The following DPYD variants were observed in gnomAD, a reference collection of about 807,000 sequenced individuals.
The protein encoded by DPYD is dihydropyrimidine dehydrogenase [NADP(+)].
Under a neutral mutation model 116.2 loss-of-function variants are expected in DPYD, and 109 were observed. The observed-to-expected ratio is 0.94, with a 90% CI of 0.80 to 1.10. The LOEUF (loss-of-function observed/expected upper bound fraction) is 1.10, where lower values mean the gene tolerates loss of function less well. Ranked by LOEUF, DPYD falls within the 50% of genes least tolerant of loss-of-function variation. DPYD has a pLI of 0.00. For missense variants in DPYD, 1,302 were observed against 1,254.5 expected (o/e 1.04, Z -0.57); for synonymous variants, 440 against 432.0 (o/e 1.02, Z -0.23).
At chr1:97,623,933 T>C (rs1047793929) in intron 8 of DPYD, among the ~76,000 whole-genome samples, 6 of 151,960 alleles carry the variant, frequency 3.9e-5, no homozygotes, top group African/African-American at 7.2e-5. Flanking sequence ...TTTCCACATG[T>C]AGAAGAACAA....
chr1:97,209,111 CCTGA>C (rs1196209084), intron 19 of DPYD, among the ~76,000 whole-genome samples: 1 of 152,070 alleles, frequency 6.6e-6, no homozygotes, highest in Non-Finnish European at 1.5e-5. Context: ...AAGGAAATGA[CCTGA>C]CTTTCAATTG....
At chr1:97,901,303 G>C (rs922520100) in intron 1 of DPYD, among the ~76,000 whole-genome samples, 1 of 151,824 alleles carries the variant, frequency 6.6e-6, no homozygotes, top group African/African-American at 2.4e-5. Context: ...CTCAACGATT[G>C]CTGCATATTC....
chr1:97,290,518 C>A (rs555158987), intron 18 of DPYD, among the ~76,000 whole-genome samples: 8 of 152,010 alleles, frequency 5.3e-5, no homozygotes, highest in Non-Finnish European at 1.2e-4. Flanking sequence ...ACAGAGCCCT[C>A]AGAAATAACA....
chr1:97,614,266 G>A (rs954022214), intron 8 of DPYD, among the ~76,000 whole-genome samples: 45 of 151,944 alleles, frequency 3.0e-4, no homozygotes, highest in African/African-American at 1.0e-3. Flanking sequence ...AAGGTGTTAA[G>A]GTACTACAAG....
At chr1:97,477,315 C>G (rs1337267037) in intron 13 of DPYD, among the ~76,000 whole-genome samples, 6 of 152,186 alleles carry the variant, frequency 3.9e-5, no homozygotes, top group Non-Finnish European at 8.8e-5. Context: ...CCTCATCCAT[C>G]CATGTTTTAT....
At chr1:97,709,572 T>G (rs973689734) in intron 5 of DPYD, among the ~76,000 whole-genome samples, 5 of 151,814 alleles carry the variant, frequency 3.3e-5, no homozygotes, top group African/African-American at 1.2e-4. Context: ...CAGCATTTTC[T>G]CCATAATTTT....
At position 97,736,909 on chromosome 1, in the gene DPYD, C is replaced by A. The variant is rs866470513; in HGVS notation, c.321+3483G>T. 9.4e-4 allele frequency among the ~76,000 whole-genome samples: 138 copies of A among 146,884 alleles called. No homozygotes were observed. In the Middle Eastern group the frequency reaches 0.026, roughly 28 times the overall value. On this transcript the variant is annotated intron_variant, in intron 4 of 22. Transcript: ENST00000370192. The stretch of plus-strand genomic sequence containing the variant: ...GTGTAGGGCTTTATTAAGATATAAT[C>A]TACATAGCATATGTACACCAATTAA...
intron 12 of DPYD, among the ~76,000 whole-genome samples, chr1:97,534,876 A>AT (rs916315871): frequency 9.9e-5 from 15 of 151,994 alleles, no homozygotes; most frequent in Non-Finnish European, 2.1e-4. Context: ...TAGATTTTTA[A>AT]TTTTTTATAT....
chr1:97,701,440 G>C (rs980392639), intron 5 of DPYD, among the ~76,000 whole-genome samples: 10 of 151,560 alleles, frequency 6.6e-5, no homozygotes, highest in Non-Finnish European at 7.4e-5. Flanking sequence ...AGTGGCCAAT[G>C]AATAAATCCA....
At chr1:97,458,254 A>G (rs1676807892) in intron 13 of DPYD, among the ~76,000 whole-genome samples, 1 of 151,942 alleles carries the variant, frequency 6.6e-6, no homozygotes, top group Admixed American at 6.6e-5. Flanking sequence ...CTCTGGCTCT[A>G]CTCTACAGTC....
intron 12 of DPYD, chr1:97,546,333 G>A (rs1182631307): frequency 2.8e-6 from 4 of 1,427,464 alleles, no homozygotes; most frequent in Non-Finnish European, 4.0e-6. Context: ...AACAAAAGCT[G>A]GCAAATGGAG....
intron 20 of DPYD, among the ~76,000 whole-genome samples, chr1:97,190,663 GCAGTTTGAT>G (rs1211902390): frequency 2.0e-5 from 3 of 152,136 alleles, no homozygotes; most frequent in Non-Finnish European, 4.4e-5. Context: ...TGCTGGTTAG[GCAGTTTGAT>G]CAGTTAATAA....
intron 10 of DPYD, 120 bp from the exon 11 acceptor site, chr1:97,574,090 C>A: frequency 6.7e-7 from 1 of 1,494,774 alleles, no homozygotes; most frequent in South Asian, 1.3e-5. Context: ...GCAGCTTTTT[C>A]TTTCACCAAA....
At chr1:97,336,106 T>C (rs563945773) in intron 16 of DPYD, among the ~76,000 whole-genome samples, 43 of 152,156 alleles carry the variant, frequency 2.8e-4, no homozygotes, top group Non-Finnish European at 5.7e-4. Context: ...AAAGCAACAA[T>C]GTGACAGTGT....
intron 14 of DPYD, among the ~76,000 whole-genome samples, chr1:97,384,023 C>T (rs967489167): frequency 6.6e-6 from 1 of 152,080 alleles, no homozygotes; most frequent in Non-Finnish European, 1.5e-5. Context: ...ATGGGAGGAT[C>T]ACTTGAATCC....
intron 13 of DPYD, among the ~76,000 whole-genome samples, chr1:97,486,631 G>C (rs183671830): frequency 2.0e-5 from 3 of 152,046 alleles, no homozygotes; most frequent in Non-Finnish European, 4.4e-5. Context: ...TAAATAATGG[G>C]AAGGTATATC....
At chr1:97,465,625 C>A (rs936682323) in intron 13 of DPYD, among the ~76,000 whole-genome samples, 1 of 152,120 alleles carries the variant, frequency 6.6e-6, no homozygotes, top group Non-Finnish European at 1.5e-5. Flanking sequence ...TGCTGTCATC[C>A]ACGTAAGTAA....
chr1:97,670,132 A>C (rs1464815482), intron 8 of DPYD, among the ~76,000 whole-genome samples: 1 of 152,128 alleles, frequency 6.6e-6, no homozygotes, highest in Non-Finnish European at 1.5e-5. Flanking sequence ...GATGTTCCAA[A>C]AGTCTTCTTG....
intron 3 of DPYD, among the ~76,000 whole-genome samples, chr1:97,760,538 T>C (rs995604895): frequency 1.3e-5 from 2 of 152,168 alleles, no homozygotes; most frequent in African/African-American, 4.8e-5. Context: ...ATTTAAAGTA[T>C]ACAGGAGGAT....
Sources: allele counts gnomAD v4.1 joint callset (sites outside exome capture counted in the v4.1 genomes callset), GRCh38; gene constraint gnomAD v4.1.1; transcripts MANE v1.5; gene names NCBI Gene and HGNC (gene_info 2026-07-23, HGNC 2026-07-21).